The following RICTOR variants were observed in gnomAD, a reference collection of about 807,000 sequenced individuals.
RICTOR encodes the protein RPTOR independent companion of MTOR complex 2.
Under a neutral mutation model 214.9 loss-of-function variants are expected in RICTOR, and 49 were observed. The observed-to-expected ratio is 0.23, with a 90% CI of 0.18 to 0.29. The LOEUF (loss-of-function observed/expected upper bound fraction) is 0.29, where lower values mean the gene tolerates loss of function less well. Ranked by LOEUF, RICTOR falls within the 10% of genes least tolerant of loss-of-function variation. RICTOR has a pLI of 1.00. For missense variants in RICTOR, 1,625 were observed against 2,047.0 expected (o/e 0.79, Z 3.98); for synonymous variants, 717 against 711.3 (o/e 1.01, Z -0.13).
At chr5:38,951,303 T>G (rs1204689783) in intron 30 of RICTOR, among the ~76,000 whole-genome samples, 1 of 152,024 alleles carries the variant, frequency 6.6e-6, no homozygotes, top group Non-Finnish European at 1.5e-5. Context: ...TAATGACATC[T>G]ATACGATTTT....
chr5:39,051,308 G>A (rs1160436039), intron 2 of RICTOR, among the ~76,000 whole-genome samples: 1 of 152,084 alleles, frequency 6.6e-6, no homozygotes, highest in Non-Finnish European at 1.5e-5. Flanking sequence ...CAGACACTAC[G>A]CTGGGGTCTA....
chr5:39,051,636 C>A (rs1233463040), intron 2 of RICTOR, among the ~76,000 whole-genome samples: 1 of 151,980 alleles, frequency 6.6e-6, no homozygotes, highest in Non-Finnish European at 1.5e-5. Flanking sequence ...CGCCTGTAAT[C>A]CCAGCTACTT....
chr5:39,067,881 C>T (rs1479716914), intron 2 of RICTOR, among the ~76,000 whole-genome samples: 1 of 152,170 alleles, frequency 6.6e-6, no homozygotes, highest in Non-Finnish European at 1.5e-5. Context: ...TCCCATGTCT[C>T]TCACTCCCTT....
Position 38,962,989 on chromosome 5 carries a change from G to A in RICTOR, c.1453C>T (p.Arg485Ter), listed in dbSNP as rs2150024363. 1 of 1,612,650 alleles carries A rather than the reference G, an allele frequency of 6.2e-7. No individual in the cohort carries two copies. The highest frequency in any genetic ancestry group is 1.1e-5 in the South Asian group (1 of 91,012). The stretch of plus-strand genomic sequence containing the variant: ...TGAAGACTATAAGGCTTAGGTCCTC[G>A]TTTCTTCATTTCATGGAAGCGTTTT... ...CLKRFHEMKK[R>*]GPKPYSLHLD... Residue 485 changes from arginine (R) to a stop codon, truncating the protein, a stop_gained, in exon 17 of 38, where the codon CGA (arginine) becomes TGA (stop). Coordinates refer to ENST00000357387, the MANE Select transcript of RICTOR (RefSeq NM_152756.5). LOFTEE classifies it high-confidence loss of function.
chr5:39,046,055 A>ATAAATAAATAAATAAG (rs1290061381), intron 2 of RICTOR, among the ~76,000 whole-genome samples: 19 of 151,244 alleles, frequency 1.3e-4, no homozygotes, highest in African/African-American at 4.6e-4. Context: ...AAATAAATAA[A>ATAAATAAATAAATAAG]TAAATAAATG....
At chr5:39,002,806 A>G (rs1580068742) in intron 4 of RICTOR, 140 bp from the exon 5 acceptor site, 3 of 759,392 alleles carry the variant, frequency 4.0e-6, no homozygotes, top group Non-Finnish European at 6.2e-6. Context: ...CTACATATAT[A>G]AAAATTACTC....
At chr5:39,027,645 T>C (rs535298006) in intron 2 of RICTOR, among the ~76,000 whole-genome samples, 1 of 152,316 alleles carries the variant, frequency 6.6e-6, no homozygotes, top group South Asian at 2.1e-4. Context: ...CTTCTGATGT[T>C]ACATTATTTT....
chr5:38,949,627 T>C (rs549337099), intron 31 of RICTOR, 85 bp downstream of exon 31: 3 of 1,238,352 alleles, frequency 2.4e-6, no homozygotes, highest in African/African-American at 1.5e-5. Context: ...GAGGCTCACA[T>C]AGTGTAAAAC....
At chr5:39,018,347 A>G (rs1177176102) in intron 3 of RICTOR, among the ~76,000 whole-genome samples, 1 of 152,130 alleles carries the variant, frequency 6.6e-6, no homozygotes, top group African/African-American at 2.4e-5. Context: ...TATATTTATG[A>G]AATATGGCAC....
intron 10 of RICTOR, among the ~76,000 whole-genome samples, chr5:38,974,940 G>A (rs1751089753): frequency 6.6e-6 from 1 of 152,130 alleles, no homozygotes; most frequent in East Asian, 1.9e-4. Context: ...AAATCAAGAA[G>A]GAAGAAGATA....
rs1224997702 is a variant in RICTOR at position 38,949,852 on chromosome 5, T to C, written c.3996A>G (p.Thr1332=). The stretch of plus-strand genomic sequence containing the variant: ...TTCTTTGTTGCTGTAGTCTTTTCAG[T>C]GTAGCATAGCCAAAAGCATCTCTAG... ...TSSRDAFGYA[T]LKRLQQQRMH... is the part of the protein sequence containing the mutation. The change falls in exon 31 of 38, where the codon ACA becomes ACG. Residue 1332 remains threonine, a synonymous_variant. Transcript: ENST00000357387. 6 of 1,613,400 alleles carry C rather than the reference T, an allele frequency of 3.7e-6. No homozygotes were observed. The highest frequency in any genetic ancestry group is 2.2e-5 in the East Asian group (1 of 44,882).
At chr5:38,949,326 G>A (rs767203827) in intron 31 of RICTOR, 44 of 1,391,294 alleles carry the variant, frequency 3.2e-5, no homozygotes, top group Non-Finnish European at 3.8e-5. Context: ...TAATAAAGAG[G>A]TCAACTTTTG....
At chr5:39,007,687 A>G (rs1161128777) in intron 3 of RICTOR, among the ~76,000 whole-genome samples, 1 of 152,010 alleles carries the variant, frequency 6.6e-6, no homozygotes, top group Non-Finnish European at 1.5e-5. Context: ...ACATATATTC[A>G]TTTTTCCTAA....
intron 2 of RICTOR, among the ~76,000 whole-genome samples, chr5:39,066,435 C>T (rs1356142966): frequency 6.6e-6 from 1 of 152,190 alleles, no homozygotes; most frequent in Non-Finnish European, 1.5e-5. Flanking sequence ...TTCTAAAATG[C>T]CTTGAAGGCC....
rs1747394446 is a variant in RICTOR, at chr5:38,940,144, A to AAAAAAAAAAC, written c.*2159_*2160insGTTTTTTTTT. On this transcript the variant is annotated 3_prime_UTR_variant, in exon 38 of 38. Coordinates refer to ENST00000357387, the MANE Select transcript of RICTOR (RefSeq NM_152756.5). ...CAAAGTAACAGTAAAAAAAAAAAAC[A>AAAAAAAAAAC]AAAAAAAAAACACAAAACATTCAGG... The AAAAAAAAAAC allele has an allele frequency of 5.0e-5, 7 of 140,886 alleles. No individual in the cohort carries two copies. The highest frequency in any genetic ancestry group is 6.7e-5 in the Non-Finnish European group (5 of 74,534). The allele number at this position is 140,886 out of a possible 1,614,324, so 8.7% of individuals were successfully genotyped here.
chr5:38,964,778 G>C lies in RICTOR; in HGVS notation c.1400+14C>G. On this transcript the variant is annotated intron_variant, in intron 16 of 37. Coordinates refer to ENST00000357387, the MANE Select transcript of RICTOR (RefSeq NM_152756.5). ...TATATCAAACAAAAGCTTTGCTAAA[G>C]CTCTGATACTTACAGTCTCTTTTCC... 7.3e-7 allele frequency: 1 copy of C among 1,369,316 alleles called. No homozygotes were observed. The highest frequency in any genetic ancestry group is 1.0e-6 in the Non-Finnish European group (1 of 974,446). 84.8% of individuals were successfully genotyped at this position (1,369,316 alleles called of 1,614,324 possible). A position where few individuals can be genotyped will look rare whatever the true frequency, so the allele number is the denominator to read the frequency against.
rs1300043898 is a variant in RICTOR at position 38,982,142 on chromosome 5, A to C, written c.584-106T>G. On this transcript the variant is annotated intron_variant, in intron 7 of 37. Coordinates refer to ENST00000357387, the MANE Select transcript of RICTOR (RefSeq NM_152756.5). ...CCTTTCTGACTTGAAAAACTTTCTA[A>C]TACCAACATTTATAAGAACAGGTAG... is the stretch of plus-strand genomic sequence containing the variant. 6 of 730,482 alleles carry C rather than the reference A, an allele frequency of 8.2e-6. No homozygotes were observed. The East Asian group carries it at 1.6e-4, about 19-fold the overall frequency. 45.3% of individuals were successfully genotyped at this position (730,482 alleles called of 1,614,324 possible). A position where few individuals can be genotyped will look rare whatever the true frequency, so the allele number is the denominator to read the frequency against.
chr5:39,069,040 T>C (rs1759111792), intron 2 of RICTOR, among the ~76,000 whole-genome samples: 1 of 152,194 alleles, frequency 6.6e-6, no homozygotes, highest in African/African-American at 2.4e-5. Context: ...CAGCTGAATA[T>C]TAAGTAAAAT....
intron 2 of RICTOR, among the ~76,000 whole-genome samples, chr5:39,034,992 G>T (rs1261120086): frequency 6.6e-6 from 1 of 152,234 alleles, no homozygotes; most frequent in Non-Finnish European, 1.5e-5. Flanking sequence ...CGCAGCTGGA[G>T]ATCTGAGAAC....
Sources: gnomAD v4.1 joint callset for allele counts (sites outside exome capture counted in the v4.1 genomes callset) on GRCh38, gnomAD v4.1.1 for gene constraint, MANE v1.5 for transcripts, NCBI Gene and HGNC (gene_info 2026-07-23, HGNC 2026-07-21) for gene names.